Variants in GPC5 observed in about 807,000 individuals in gnomAD.
GPC5 encodes glypican-5.
In GPC5, 47 loss-of-function variants were observed where a neutral mutation model predicts 53.9. The ratio of observed to expected loss-of-function variants is 0.87; its 90% CI spans 0.69 to 1.11. The LOEUF is 1.11. Ranked by LOEUF, GPC5 falls within the 50% of genes most tolerant of loss-of-function variation. The pLI is 0.00. For missense variants in GPC5, 748 were observed against 713.1 expected (o/e 1.05, Z -0.56); for synonymous variants, 286 against 263.3 (o/e 1.09, Z -0.84).
intron 7 of GPC5, among the ~76,000 whole-genome samples, chr13:92,685,559 A>T (rs9561106): frequency 0.23 from 24,246 of 104,250 alleles, 2,256 homozygotes; most frequent in Non-Finnish European, 0.29. Flanking sequence ...TTTTTTTTTT[A>T]ATTTTTTTTT....
chr13:92,553,900 T>C (rs1331770275), intron 7 of GPC5, among the ~76,000 whole-genome samples: 2 of 152,002 alleles, frequency 1.3e-5, no homozygotes, highest in African/African-American at 4.8e-5. Flanking sequence ...TCATATTTAA[T>C]GACATCACAC....
chr13:91,912,444 A>G (rs1436578508), intron 6 of GPC5, among the ~76,000 whole-genome samples: 1 of 152,158 alleles, frequency 6.6e-6, no homozygotes, highest in African/African-American at 2.4e-5. Context: ...TGAAAAATAA[A>G]TATTGATACC....
intron 5 of GPC5, among the ~76,000 whole-genome samples, chr13:91,786,593 G>A (rs1281856683): frequency 1.3e-5 from 2 of 151,916 alleles, no homozygotes; most frequent in Admixed American, 6.6e-5. Flanking sequence ...TGTATGTGTC[G>A]TGTTTTTCAT....
chr13:92,311,179 G>T (rs919215172), intron 7 of GPC5, among the ~76,000 whole-genome samples: 1 of 152,060 alleles, frequency 6.6e-6, no homozygotes, highest in South Asian at 2.1e-4. Flanking sequence ...ATTAATTGAG[G>T]TAATGTTAAA....
chr13:91,936,366 G>C (rs1379430212), intron 6 of GPC5, among the ~76,000 whole-genome samples: 1 of 151,964 alleles, frequency 6.6e-6, no homozygotes, highest in African/African-American at 2.4e-5. Flanking sequence ...GGATTTGCTT[G>C]GGGGTAACCT....
chr13:92,093,708 T>A (rs2138900289), intron 6 of GPC5, among the ~76,000 whole-genome samples: 1 of 152,322 alleles, frequency 6.6e-6, no homozygotes, highest in South Asian at 2.1e-4. Flanking sequence ...GAAACACAAG[T>A]TTTTAAGACC....
intron 7 of GPC5, among the ~76,000 whole-genome samples, chr13:92,160,680 A>T (rs1335201089): frequency 6.6e-6 from 1 of 152,154 alleles, no homozygotes; most frequent in Admixed American, 6.6e-5. Flanking sequence ...ACTATATAAA[A>T]CTATCTCTCT....
intron 7 of GPC5, among the ~76,000 whole-genome samples, chr13:92,451,188 ACAG>A (rs1236427335): frequency 6.6e-6 from 1 of 152,186 alleles, no homozygotes; most frequent in East Asian, 1.9e-4. Flanking sequence ...AAAAAAATAA[ACAG>A]CAGCTGTTCT....
At chr13:91,760,371 C>G (rs920248578) in intron 5 of GPC5, among the ~76,000 whole-genome samples, 1 of 152,134 alleles carries the variant, frequency 6.6e-6, no homozygotes, top group Admixed American at 6.5e-5. Flanking sequence ...GTGAAAAGCT[C>G]TAAGCAATCC....
intron 5 of GPC5, among the ~76,000 whole-genome samples, chr13:91,758,213 C>G (rs960593616): frequency 5.1e-4 from 77 of 152,008 alleles, no homozygotes; most frequent in African/African-American, 1.8e-3. Context: ...CATTCTCATA[C>G]TTTGAGTTCT....
intron 6 of GPC5, among the ~76,000 whole-genome samples, chr13:92,020,533 T>C (rs1183491440): frequency 6.6e-6 from 1 of 152,082 alleles, no homozygotes; most frequent in African/African-American, 2.4e-5. Context: ...TGATATCTCA[T>C]TGTGGTTTTT....
intron 7 of GPC5, among the ~76,000 whole-genome samples, chr13:92,326,159 A>G (rs1040963767): frequency 4.6e-5 from 7 of 152,136 alleles, no homozygotes; most frequent in African/African-American, 1.7e-4. Context: ...TGAGTGAAGA[A>G]TAAAGCTGTT....
intron 7 of GPC5, among the ~76,000 whole-genome samples, chr13:92,507,580 A>G (rs918450988): frequency 7.2e-5 from 11 of 152,206 alleles, no homozygotes; most frequent in Non-Finnish European, 1.3e-4. Context: ...ACAACACTGA[A>G]TAAACTCACA....
rs11456004 is a variant in GPC5, at chr13:92,203,755, GA to G, written c.1561+58778del. Among the ~76,000 whole-genome samples the G allele has an allele frequency of 2.5e-3, 357 of 142,424 alleles. 1 individual carries two copies. Among genetic ancestry groups the G allele is most frequent in the East Asian group, 8.4e-3 (41 of 4,880 alleles). 93.4% of individuals were successfully genotyped at this position (142,424 alleles called of 152,430 possible). A position where few individuals can be genotyped will look rare whatever the true frequency, so the allele number is the denominator to read the frequency against. On this transcript the variant is annotated intron_variant, in intron 7 of 7. Transcript: ENST00000377067. ...ACTTTAACTTCCAAAAACTTACTAG[GA>G]AAAAAAAAAAATCAGCAACAGAAGG...
At chr13:91,955,386 A>G (rs551915498) in intron 6 of GPC5, among the ~76,000 whole-genome samples, 2 of 152,358 alleles carry the variant, frequency 1.3e-5, no homozygotes, top group South Asian at 4.1e-4. Context: ...TTAACCTGGT[A>G]CACATCTCCT....
chr13:92,675,749 G>GT (rs2139214068), intron 7 of GPC5, among the ~76,000 whole-genome samples: 2 of 152,182 alleles, frequency 1.3e-5, no homozygotes, highest in East Asian at 3.9e-4. Flanking sequence ...TGTAAATGGT[G>GT]TAAGTCTTGA....
At chr13:91,571,047 A>T (rs2031757564) in intron 2 of GPC5, among the ~76,000 whole-genome samples, 3 of 152,130 alleles carry the variant, frequency 2.0e-5, no homozygotes, top group Admixed American at 2.0e-4. Context: ...TGTATGCAGT[A>T]TTCAAAATTC....
intron 7 of GPC5, among the ~76,000 whole-genome samples, chr13:92,606,328 C>A (rs7317739): frequency 0.083 from 12,622 of 152,000 alleles, 1,615 homozygotes; most frequent in African/African-American, 0.27. Context: ...ATGAGTGAGA[C>A]CATGTGGTGT....
chr13:92,678,360 G>A (rs182223815), intron 7 of GPC5, among the ~76,000 whole-genome samples: 125 of 152,224 alleles, frequency 8.2e-4, no homozygotes, highest in Non-Finnish European at 1.6e-3. Flanking sequence ...CAGAGAAGGC[G>A]CATAAAGAGT....
Sources: allele counts gnomAD v4.1 joint callset (sites outside exome capture counted in the v4.1 genomes callset), GRCh38; gene constraint gnomAD v4.1.1; transcripts MANE v1.5; gene names NCBI Gene and HGNC (gene_info 2026-07-23, HGNC 2026-07-21).